Variants in STK25 observed in about 807,000 individuals in gnomAD.
STK25 encodes serine/threonine kinase 25.
In STK25, 29 loss-of-function variants were observed where a neutral mutation model predicts 53.8. The ratio of observed to expected loss-of-function variants is 0.54; its 90% CI spans 0.40 to 0.74. The LOEUF (loss-of-function observed/expected upper bound fraction) is 0.74. STK25 is among the 30% of genes least tolerant of loss of function. The pLI is 0.00. For synonymous variants in STK25, 247 were observed against 238.3 expected (o/e 1.04, Z -0.33); for missense variants, 420 against 568.0 (o/e 0.74, Z 2.65).
At position 241,500,993 on chromosome 2, in the gene STK25, G is replaced by A. The variant is rs1242547417; in HGVS notation, c.262-197C>T. 8.2e-6 allele frequency: 5 copies of A among 606,664 alleles called. No individual in the cohort carries two copies. In the African/African-American group the frequency reaches 9.3e-5, roughly 11 times the overall value. The allele number at this position is 606,664 out of a possible 1,614,324, so 37.6% of individuals were successfully genotyped here. ...ACACTACTGCTACAGATGCTCAGAG[G>A]ACAGGTTGAGTACACACAGCAGTGG... On this transcript the variant is annotated intron_variant, in intron 3 of 11. Transcript: ENST00000316586.
At chr2:241,500,987 T>A (rs1559836435) in intron 3 of STK25, 191 bp from the exon 4 acceptor site, 28 of 610,776 alleles carry the variant, frequency 4.6e-5, no homozygotes, top group Non-Finnish European at 4.1e-5. Context: ...CTACAGATGC[T>A]CAGAGGACAG....
intron 2 of STK25, among the ~76,000 whole-genome samples, chr2:241,506,341 C>A (rs970785519): frequency 6.6e-6 from 1 of 152,224 alleles, no homozygotes; most frequent in Non-Finnish European, 1.5e-5. Flanking sequence ...CTTTGGAATC[C>A]CTTCTCCAAT....
chr2:241,499,210 A>G (rs2065361337), intron 6 of STK25, 36 bp from the exon 7 acceptor site: 8 of 1,613,602 alleles, frequency 5.0e-6, no homozygotes, highest in Non-Finnish European at 6.8e-6. Context: ...TGCCCTGAGC[A>G]CCCGAGCCAG....
Position 241,501,270 on chromosome 2 carries a change from C to A in STK25, c.261+208G>T. 1 of 627,794 alleles carries A rather than the reference C, an allele frequency of 1.6e-6. No homozygotes were observed. Among genetic ancestry groups the A allele is most frequent in the Admixed American group, 2.3e-5 (1 of 42,742 alleles). The allele number at this position is 627,794 out of a possible 1,614,324, so 38.9% of individuals were successfully genotyped here. ...AGCGCCCTCACTGCATTACCACAGG[C>A]AGGCAAGTGGGTCCCAATGGCCATT... On this transcript the variant is annotated intron_variant, in intron 3 of 11. Coordinates refer to ENST00000316586, the MANE Select transcript of STK25 (RefSeq NM_001271977.2). The surrounding 1 kb of genome is among the most constrained non-coding windows in gnomAD (Gnocchi z 5.3).
chr2:241,495,771 G>T, intron 11 of STK25, 70 bp from the exon 12 acceptor site: 2 of 1,572,460 alleles, frequency 1.3e-6, no homozygotes, highest in Non-Finnish European at 1.7e-6. Flanking sequence ...CCTCTTGGGT[G>T]TGCAGTCTGC....
In STK25 at chr2:241,503,398, A is replaced by G. The variant is rs569076843; in HGVS notation, c.31-1690T>C. 8.3e-4 allele frequency among the ~76,000 whole-genome samples: 124 copies of G among 150,222 alleles called. 1 individual carries two copies. The highest frequency in any genetic ancestry group is 2.7e-3 in the African/African-American group (110 of 41,156). On this transcript the variant is annotated intron_variant, in intron 2 of 11. Transcript: ENST00000316586. Reference sequence around the variant, plus strand: ...AACAACATCAAGGGTCTTGATGCCAATTTAGTGTGGCAGAGCATAAAAAGG... The same window carrying G: ...AACAACATCAAGGGTCTTGATGCCAGTTTAGTGTGGCAGAGCATAAAAAGG...
At position 241,508,093 on chromosome 2, in the gene STK25, A is replaced by G; in HGVS notation, c.-58T>C. ...CCCAGGAGGCGTCTGGATCCCGCGG[A>G]GAGGCGCGGAGCCGGCTAGCTCGCC... On this transcript the variant is annotated 5_prime_UTR_variant, in exon 2 of 12. Transcript: ENST00000316586. The G allele has an allele frequency of 1.9e-6, 3 of 1,558,372 alleles. No individual in the cohort carries two copies. Among genetic ancestry groups the G allele is most frequent in the Non-Finnish European group, 2.6e-6 (3 of 1,153,260 alleles).
rs1215887800 is a variant in STK25 at position 241,498,303 on chromosome 2, G to A, written c.964C>T (p.Pro322Ser). The A allele has an allele frequency of 2.5e-6, 4 of 1,605,288 alleles. No homozygotes were observed. The highest frequency in any genetic ancestry group is 8.5e-7 in the Non-Finnish European group (1 of 1,174,082). Reference protein sequence around the residue: ...DGEQGPIWTFPPTIRPSPHSK... With the variant: ...DGEQGPIWTFSPTIRPSPHSK... ...TGTGGACTCGGCCGGATGGTAGGGGGGAACGTCCAGATGGGGCCCTGCTCC... is the reference window on the plus strand; with the variant it reads ...TGTGGACTCGGCCGGATGGTAGGGGAGAACGTCCAGATGGGGCCCTGCTCC... The change falls in exon 9 of 12, where the codon CCC becomes TCC. Residue 322 changes from proline (P) to serine (S), a missense_variant. Pro to Ser is a moderately conservative substitution (Grantham distance 74, BLOSUM62 -1). Coordinates refer to ENST00000316586, the MANE Select transcript of STK25 (RefSeq NM_001271977.2).
chr2:241,508,775 C>T (rs980908979), upstream of STK25: 1 of 984,400 alleles, frequency 1.0e-6, no homozygotes, highest in Non-Finnish European at 1.2e-6. Context: ...AGTCCTGCTC[C>T]CGAAAGGTTT....
rs771544631 is a variant in STK25, at chr2:241,499,104, TGGA to T, written c.653_655del (p.Leu218del). On this transcript the variant is annotated inframe_deletion, in exon 7 of 12. Coordinates refer to ENST00000316586, the MANE Select transcript of STK25 (RefSeq NM_001271977.2). ...AATCAGGAACAGGACGCGCATGGGG[TGGA>T]GGTCAGAGTTTGGAGGCTCCCCCTT... 1 of 1,613,742 alleles carries T rather than the reference TGGA, an allele frequency of 6.2e-7. No individual in the cohort carries two copies.
Position 241,508,573 on chromosome 2 carries a change from A to T in STK25, c.-231T>A. 2 of 991,192 alleles carry T rather than the reference A, an allele frequency of 2.0e-6. No individual in the cohort carries two copies. Among genetic ancestry groups the T allele is most frequent in the Non-Finnish European group, 2.4e-6 (2 of 833,392 alleles). 61.4% of individuals were successfully genotyped at this position (991,192 alleles called of 1,614,324 possible). ...CGAAGCAACGGTGGTGGCGGCAGCG[A>T]CCGGAGAAAGCCCGGAGGCGACGGC... On this transcript the variant is annotated 5_prime_UTR_variant, in exon 1 of 12. Coordinates refer to ENST00000316586, the MANE Select transcript of STK25 (RefSeq NM_001271977.2).
chr2:241,499,979 TACAA>T, intron 5 of STK25, 190 bp downstream of exon 5: 1 of 684,054 alleles, frequency 1.5e-6, no homozygotes, highest in Middle Eastern at 2.4e-4. Flanking sequence ...TTCCTCAGCG[TACAA>T]GGAAACCGTT....
chr2:241,504,172 C>A (rs1048682415), intron 2 of STK25: 1 of 467,678 alleles, frequency 2.1e-6, no homozygotes, highest in African/African-American at 2.0e-5. Flanking sequence ...TGTCAAGGCC[C>A]GGGGGTGTGC....
At chr2:241,502,351 C>T (rs1307600927) in intron 2 of STK25, among the ~76,000 whole-genome samples, 2 of 152,128 alleles carry the variant, frequency 1.3e-5, no homozygotes, top group African/African-American at 2.4e-5. Context: ...ATGCCAGCCC[C>T]GTGACAGATG....
intron 2 of STK25, among the ~76,000 whole-genome samples, chr2:241,504,451 T>C (rs2065700293): frequency 6.6e-6 from 1 of 152,126 alleles, no homozygotes. Flanking sequence ...CCTGGGGTCA[T>C]TCCGGTCAAG....
rs1042111346 is a variant in STK25, at chr2:241,496,902, C to T, written c.1105-368G>A. 2.6e-5 allele frequency among the ~76,000 whole-genome samples: 4 copies of T among 152,220 alleles called. No homozygotes were observed. Among genetic ancestry groups the T allele is most frequent in the South Asian group, 2.1e-4 (1 of 4,824 alleles). ...CAGAAACCCCCAAAGCACACGGCACCGCCAGGCCCAGATCTGACCTCCATC... is the reference window on the plus strand; with the variant it reads ...CAGAAACCCCCAAAGCACACGGCACTGCCAGGCCCAGATCTGACCTCCATC... On this transcript the variant is annotated intron_variant, in intron 10 of 11. Coordinates refer to ENST00000316586, the MANE Select transcript of STK25 (RefSeq NM_001271977.2). The surrounding 1 kb of genome is among the most constrained non-coding windows in gnomAD (Gnocchi z 5.8).
chr2:241,508,559 T>G lies in STK25; in HGVS notation c.-217A>C. ...GGCCTCCCAGCCCGCGAAGCAACGGTGGTGGCGGCAGCGACCGGAGAAAGC... is the reference window on the plus strand; with the variant it reads ...GGCCTCCCAGCCCGCGAAGCAACGGGGGTGGCGGCAGCGACCGGAGAAAGC... On this transcript the variant is annotated 5_prime_UTR_variant, in exon 1 of 12. Transcript: ENST00000316586. 2.0e-6 allele frequency: 2 copies of G among 992,682 alleles called. No homozygotes were observed. Among genetic ancestry groups the G allele is most frequent in the African/African-American group, 3.5e-5 (2 of 57,158 alleles). 61.5% of individuals were successfully genotyped at this position (992,682 alleles called of 1,614,324 possible).
Position 241,501,571 on chromosome 2 carries a change from G to C in STK25, c.168C>G (p.Ala56=), listed in dbSNP as rs147850474. ...VAIKIIDLEE[A]EDEIEDIQQE... ...GCTGGATGTCCTCGATCTCATCCTC[G>C]GCCTCCTCCAGGTCGATGATCTTGA... Residue 56 remains alanine (A), a synonymous_variant, in exon 3 of 12, where the codon GCC becomes GCG. Coordinates refer to ENST00000316586, the MANE Select transcript of STK25 (RefSeq NM_001271977.2). This position sits in a 1 kb window ranked among gnomAD's most constrained non-coding sequence, Gnocchi z 5.3. The C allele has an allele frequency of 1.2e-6, 2 of 1,614,124 alleles. No individual in the cohort carries two copies. Among genetic ancestry groups the C allele is most frequent in the Non-Finnish European group, 1.7e-6 (2 of 1,180,024 alleles).
intron 9 of STK25, 36 bp from the exon 10 acceptor site, chr2:241,497,723 G>A (rs1211463951): frequency 6.2e-7 from 1 of 1,604,932 alleles, no homozygotes; most frequent in East Asian, 2.2e-5. Context: ...GAGCAGGGCA[G>A]TGCAGGTGAC....
Sources: gnomAD v4.1 joint callset for allele counts (sites outside exome capture counted in the v4.1 genomes callset) on GRCh38, gnomAD v4.1.1 for gene constraint, Gnocchi (gnomAD v3.1) non-coding constraint, MANE v1.5 for transcripts, NCBI Gene and HGNC (gene_info 2026-07-23, HGNC 2026-07-21) for gene names.